Variants in HACE1 observed in about 807,000 individuals in gnomAD.
HACE1 encodes HECT domain and ankyrin repeat containing E3 ubiquitin protein ligase 1, also known as E3 ubiquitin-protein ligase HACE1.
A neutral mutation model predicts 118.4 loss-of-function variants in HACE1; 73 were observed. That is an observed-to-expected ratio of 0.62 (90% CI 0.51 to 0.75). HACE1 has a LOEUF of 0.75. Among genes scored for constraint, HACE1 ranks in the 30% least tolerant of loss-of-function variants. The probability of loss-of-function intolerance (pLI) is 0.00; values close to 1 mark genes in which losing one functional copy is unlikely to be tolerated. For synonymous variants in HACE1, 368 were observed against 374.8 expected (o/e 0.98, Z 0.21); for missense variants, 749 against 1,102.2 (o/e 0.68, Z 4.54).
intron 6 of HACE1, among the ~76,000 whole-genome samples, chr6:104,819,552 A>G (rs1307935044): frequency 2.0e-5 from 3 of 152,178 alleles, no homozygotes; most frequent in Non-Finnish European, 2.9e-5. Context: ...TAAAATTCAT[A>G]TGGAACCAAA....
chr6:104,744,046 G>C, intron 22 of HACE1, 114 bp downstream of exon 22: 1 of 726,780 alleles, frequency 1.4e-6, no homozygotes, highest in Non-Finnish European at 2.5e-6. Context: ...ACAGTGGAAA[G>C]GGTGGTAAGT....
chr6:104,821,864 C>T (rs554852542), intron 6 of HACE1, among the ~76,000 whole-genome samples: 22 of 152,054 alleles, frequency 1.4e-4, no homozygotes, highest in Non-Finnish European at 2.5e-4. Flanking sequence ...CTAGTAACTC[C>T]CTACTAAATA....
At chr6:104,753,121 T>A (rs779536304) in intron 19 of HACE1, among the ~76,000 whole-genome samples, 20 of 152,230 alleles carry the variant, frequency 1.3e-4, no homozygotes, top group Non-Finnish European at 1.3e-4. Flanking sequence ...ATTAATATTA[T>A]CTTGACAATA....
rs200973354 is a variant in HACE1 at position 104,849,237 on chromosome 6, C to G, written c.231G>C (p.Ser77=). 1 of 1,579,472 alleles carries G rather than the reference C, an allele frequency of 6.3e-7. No homozygotes were observed. Among genetic ancestry groups the G allele is most frequent in the South Asian group, 1.1e-5 (1 of 90,366 alleles). ...TTAACAGCAAAACCAAGCATTCCAC[C>G]GATCCACAACTAAAACAATATTAAA... is the stretch of plus-strand genomic sequence containing the variant. ...SLLHIAANCG[S]VECLVLLLKK... Residue 77 remains serine (S), a synonymous_variant, in exon 4 of 24, where the codon TCG becomes TCC. Transcript: ENST00000262903.
intron 7 of HACE1, among the ~76,000 whole-genome samples, chr6:104,800,846 A>T (rs1770251254): frequency 6.6e-6 from 1 of 152,234 alleles, no homozygotes; most frequent in Non-Finnish European, 1.5e-5. Context: ...GCAATGGAAC[A>T]AAGTTGGATG....
At chr6:104,855,375 A>G (rs1480165565) in intron 1 of HACE1, among the ~76,000 whole-genome samples, 1 of 152,100 alleles carries the variant, frequency 6.6e-6, no homozygotes, top group East Asian at 1.9e-4. Context: ...CCCAGGAGGC[A>G]GAGCTTGCAA....
chr6:104,816,341 T>C (rs1000257220), intron 6 of HACE1, among the ~76,000 whole-genome samples: 1 of 152,230 alleles, frequency 6.6e-6, no homozygotes, highest in Non-Finnish European at 1.5e-5. Context: ...AGGGCCCCAC[T>C]GCTCTGTGCA....
Position 104,753,227 on chromosome 6 carries a change from G to A in HACE1, c.2212-2755C>T, listed in dbSNP as rs1338142054. ...ACTGGCTAAGGGTTCTAAGGACAGC[G>A]CTTTGGTATCTCACTGGGACCGAGC... is the stretch of plus-strand genomic sequence containing the variant. On this transcript the variant is annotated intron_variant, in intron 19 of 23. Coordinates refer to ENST00000262903, the MANE Select transcript of HACE1 (RefSeq NM_020771.4). 2.0e-5 allele frequency among the ~76,000 whole-genome samples: 3 copies of A among 152,176 alleles called. No individual in the cohort carries two copies. The East Asian group carries it at 5.8e-4, about 29-fold the overall frequency.
intron 19 of HACE1, among the ~76,000 whole-genome samples, chr6:104,764,093 G>T (rs1779706792): frequency 6.6e-6 from 1 of 151,904 alleles, no homozygotes; most frequent in Non-Finnish European, 1.5e-5. Context: ...TATTTTTTGT[G>T]AGACAGAGTC....
chr6:104,827,373 AC>A (rs1367659755), intron 6 of HACE1, among the ~76,000 whole-genome samples: 3 of 152,170 alleles, frequency 2.0e-5, no homozygotes, highest in Non-Finnish European at 2.9e-5. Context: ...TGCACAAATA[AC>A]TTATACACTA....
rs1311974854 is a variant in HACE1 at position 104,813,634 on chromosome 6, T to TC, written c.535-2242dup. On this transcript the variant is annotated intron_variant, in intron 6 of 23. Coordinates refer to ENST00000262903, the MANE Select transcript of HACE1 (RefSeq NM_020771.4). ...ACAAAGAATTATCAGATCCAAAATA[T>TC]CAACAGTGTTGAGACCAAGAAACAT... is the stretch of plus-strand genomic sequence containing the variant. Among the ~76,000 whole-genome samples the TC allele has an allele frequency of 2.2e-5, 3 of 137,622 alleles. 1 individual carries two copies. The highest frequency in any genetic ancestry group is 4.7e-5 in the Non-Finnish European group (3 of 64,234). The allele number at this position is 137,622 out of a possible 152,430, so 90.3% of individuals were successfully genotyped here.
intron 4 of HACE1, among the ~76,000 whole-genome samples, chr6:104,844,446 C>G (rs1005716911): frequency 6.6e-6 from 1 of 150,878 alleles, no homozygotes; most frequent in Non-Finnish European, 1.5e-5. Flanking sequence ...CAGGTTCAAG[C>G]AATTCTTCTG....
chr6:104,857,034 T>C (rs1010768180), intron 1 of HACE1, among the ~76,000 whole-genome samples: 2 of 151,940 alleles, frequency 1.3e-5, no homozygotes, highest in Admixed American at 6.6e-5. Context: ...GATTACTGAA[T>C]TCTAACAAAG....
At chr6:104,819,766 T>C (rs946838947) in intron 6 of HACE1, among the ~76,000 whole-genome samples, 4 of 152,066 alleles carry the variant, frequency 2.6e-5, no homozygotes, top group Non-Finnish European at 4.4e-5. Flanking sequence ...TCCACAAACC[T>C]GACAAAAACA....
Position 104,784,170 on chromosome 6 carries a change from A to G in HACE1, c.1482T>C (p.Asn494=). ...GAAAGTGGTCAAATATAATTTTGGGATTTCTAAAAGAAAAATATTTTGTTT... is the reference window on the plus strand; with the variant it reads ...GAAAGTGGTCAAATATAATTTTGGGGTTTCTAAAAGAAAAATATTTTGTTT... The part of the protein sequence containing the change: ...DEVLKCFVNR[N]PKIIFDHFHF... The change falls in exon 14 of 24, where the codon AAT becomes AAC. Residue 494 remains asparagine (N), a synonymous_variant. Coordinates refer to ENST00000262903, the MANE Select transcript of HACE1 (RefSeq NM_020771.4). The G allele has an allele frequency of 1.3e-6, 2 of 1,564,500 alleles. No homozygotes were observed. Among genetic ancestry groups the G allele is most frequent in the Non-Finnish European group, 8.8e-7 (1 of 1,134,936 alleles).
intron 6 of HACE1, 68 bp from the exon 7 acceptor site, chr6:104,811,461 T>G (rs942844191): frequency 1.2e-5 from 9 of 771,382 alleles, no homozygotes; most frequent in African/African-American, 3.5e-5. Flanking sequence ...TACCACAATT[T>G]TAATCCATAT....
At chr6:104,777,686 C>T (rs936438053) in intron 14 of HACE1, among the ~76,000 whole-genome samples, 5 of 152,118 alleles carry the variant, frequency 3.3e-5, no homozygotes, top group East Asian at 3.8e-4. Flanking sequence ...AATTACGTTG[C>T]GTGTTCCATT....
At chr6:104,762,787 G>A (rs555051044) in intron 19 of HACE1, among the ~76,000 whole-genome samples, 52 of 151,938 alleles carry the variant, frequency 3.4e-4, no homozygotes, top group African/African-American at 1.2e-3. Context: ...TCAGGAGATC[G>A]AGACCATCCT....
intron 4 of HACE1, among the ~76,000 whole-genome samples, chr6:104,843,811 T>A (rs1390881596): frequency 6.6e-6 from 1 of 151,990 alleles, no homozygotes; most frequent in Non-Finnish European, 1.5e-5. Context: ...GATGTAGAGA[T>A]TCTTTTTTTT....
Sources: allele counts gnomAD v4.1 joint callset (sites outside exome capture counted in the v4.1 genomes callset), GRCh38; gene constraint gnomAD v4.1.1; transcripts MANE v1.5; gene names NCBI Gene and HGNC (gene_info 2026-07-23, HGNC 2026-07-21).